The following VWA5B1 variants were observed in gnomAD, a reference collection of about 807,000 sequenced individuals.
VWA5B1 encodes the protein von Willebrand factor A domain-containing protein 5B1.
VWA5B1 carries 115 observed loss-of-function variants against 118.2 expected under a neutral mutation model. The observed-to-expected ratio is 0.97, with a 90% confidence interval of 0.84 to 1.14. VWA5B1 has a LOEUF of 1.14. VWA5B1 is among the 50% of genes most tolerant of loss of function. The pLI is 0.00. For missense variants in VWA5B1, 1,596 were observed against 1,603.8 expected (o/e 1.00, Z 0.08); for synonymous variants, 682 against 658.4 (o/e 1.04, Z -0.55).
intron 1 of VWA5B1, among the ~76,000 whole-genome samples, chr1:20,293,570 C>T (rs1043491492): frequency 1.4e-4 from 22 of 152,192 alleles, no homozygotes; most frequent in African/African-American, 4.3e-4. Context: ...ACAGGTTTCT[C>T]GTGGTCTCAC....
At chr1:20,324,633 T>C (rs911377873) in intron 8 of VWA5B1, among the ~76,000 whole-genome samples, 1 of 152,160 alleles carries the variant, frequency 6.6e-6, no homozygotes, top group African/African-American at 2.4e-5. Flanking sequence ...AGAGTGGGGC[T>C]CTGCCGTCAC....
chr1:20,350,206 C>A lies in VWA5B1; in HGVS notation c.2929C>A (p.Arg977Ser), dbSNP rs986754429. Residue 977 changes from arginine to serine, a missense_variant, in exon 19 of 22, where the codon CGC becomes AGC. By Grantham distance (110) the Arg-to-Ser change is moderately radical. Coordinates refer to ENST00000289815, the MANE Select transcript of VWA5B1 (RefSeq NM_001039500.3). Reference sequence around the variant, plus strand: ...CTTCAGCGAGGCCAGGTCCCCCGGCCGCGAGAAGCACGGTGCTTCTGAAGG... The same window carrying A: ...CTTCAGCGAGGCCAGGTCCCCCGGCAGCGAGAAGCACGGTGCTTCTGAAGG... ...ALFSEARSPG[R>S]EKHGASEGPQ... 6.4e-7 allele frequency: 1 copy of A among 1,551,098 alleles called. No homozygotes were observed.
Position 20,345,514 on chromosome 1 carries a change from T to C in VWA5B1, c.2685T>C (p.Ile895=). The C allele has an allele frequency of 1.9e-6, 3 of 1,551,220 alleles. No individual in the cohort carries two copies. The highest frequency in any genetic ancestry group is 2.6e-6 in the Non-Finnish European group (3 of 1,146,982). The part of the protein sequence containing the change: ...ALHTSKACNI[I]SKYTAFVPVD... The stretch of plus-strand genomic sequence containing the variant: ...ACACCAGCAAGGCCTGCAACATCAT[T>C]AGCAAATACACAGCCTTCGTGCCTG... The change falls in exon 17 of 22, where the codon ATT becomes ATC. Residue 895 remains isoleucine, a synonymous_variant. Coordinates refer to ENST00000289815, the MANE Select transcript of VWA5B1 (RefSeq NM_001039500.3).
intron 21 of VWA5B1, among the ~76,000 whole-genome samples, chr1:20,352,994 G>A (rs1303398183): frequency 2.0e-5 from 3 of 152,134 alleles, no homozygotes; most frequent in African/African-American, 7.2e-5. Flanking sequence ...AGTGGCAATG[G>A]GAGAGGTCTG....
rs1018774056 is a variant in VWA5B1, at chr1:20,356,475, C to G, written c.*2212C>G. 6.6e-6 allele frequency among the ~76,000 whole-genome samples: 1 copy of G among 152,308 alleles called. No homozygotes were observed. Among genetic ancestry groups the G allele is most frequent in the African/African-American group, 2.4e-5 (1 of 41,562 alleles). Reference sequence around the variant, plus strand: ...CCAGGCTGAACTGGGCTGTCCAGCACCTCCCTGCCCCACCAGATGAGTCTG... The same window carrying G: ...CCAGGCTGAACTGGGCTGTCCAGCAGCTCCCTGCCCCACCAGATGAGTCTG... On this transcript the variant is annotated 3_prime_UTR_variant, in exon 22 of 22. Transcript: ENST00000289815.
chr1:20,292,638 C>T (rs895219308), intron 1 of VWA5B1, among the ~76,000 whole-genome samples: 7 of 151,504 alleles, frequency 4.6e-5, no homozygotes, highest in African/African-American at 1.2e-4. Flanking sequence ...CAGTGGCATG[C>T]GTGTGTGTGT....
rs1016078298 is a variant in VWA5B1 at position 20,337,656 on chromosome 1, C to G, written c.1953C>G (p.Leu651=). 1.3e-6 allele frequency: 2 copies of G among 1,551,436 alleles called. No individual in the cohort carries two copies. The highest frequency in any genetic ancestry group is 8.7e-7 in the Non-Finnish European group (1 of 1,146,858). Residue 651 remains leucine (L), a synonymous_variant, in exon 14 of 22, where the codon CTC becomes CTG. Coordinates refer to ENST00000289815, the MANE Select transcript of VWA5B1 (RefSeq NM_001039500.3). ...GDSTTKHDLN[L]SQRRRAYSTN... ...ACTATCCCTGTCCAGATCTGAACCT[C>G]TCTCAGCGACGGAGGGCATACAGCA...
At position 20,353,782 on chromosome 1, in the gene VWA5B1, C is replaced by T. The variant is rs61742171; in HGVS notation, c.3167C>T (p.Ala1056Val). ...GTGTCTCTGCAGCTGGCCTCCGGAG[C>T]CTTCCTGCTCAACGAAGCCTTCTGT... is the stretch of plus-strand genomic sequence containing the variant. ...PLVSLQLASG[A>V]FLLNEAFCEA... The change falls in exon 22 of 22, where the codon GCC (alanine) becomes GTC (valine). Residue 1056 changes from alanine (A) to valine (V), a missense_variant. Ala to Val is a moderately conservative substitution (Grantham distance 64). Transcript: ENST00000289815. The T allele has an allele frequency of 2.9e-5, 42 of 1,464,962 alleles. No homozygotes were observed. Among genetic ancestry groups the T allele is most frequent in the Non-Finnish European group, 3.4e-5 (38 of 1,106,230 alleles). 90.7% of individuals were successfully genotyped at this position (1,464,962 alleles called of 1,614,324 possible).
intron 1 of VWA5B1, among the ~76,000 whole-genome samples, chr1:20,305,163 A>G (rs2088612177): frequency 6.6e-6 from 1 of 152,084 alleles, no homozygotes; most frequent in Non-Finnish European, 1.5e-5. Context: ...AGGAAAAAAA[A>G]CAAAGAAAGG....
intron 14 of VWA5B1, among the ~76,000 whole-genome samples, chr1:20,341,552 G>A (rs559171358): frequency 6.6e-6 from 1 of 152,306 alleles, no homozygotes; most frequent in Non-Finnish European, 1.5e-5. Flanking sequence ...AATTTTTCGT[G>A]AGGCTGAGAA....
intron 11 of VWA5B1, among the ~76,000 whole-genome samples, chr1:20,331,253 C>T (rs2089545439): frequency 1.3e-5 from 2 of 152,210 alleles, no homozygotes; most frequent in African/African-American, 2.4e-5. Context: ...GGAAAAGCTA[C>T]CACCTATATG....
chr1:20,301,701 G>A (rs1407038433), intron 1 of VWA5B1, among the ~76,000 whole-genome samples: 1 of 152,222 alleles, frequency 6.6e-6, no homozygotes, highest in African/African-American at 2.4e-5. Context: ...GACAAGGCTC[G>A]AAGCCACATA....
Position 20,354,814 on chromosome 1 carries a change from C to T in VWA5B1, c.*551C>T, listed in dbSNP as rs993442633. The T allele has an allele frequency of 1.3e-5, 2 of 152,808 alleles. No individual in the cohort carries two copies. Among genetic ancestry groups the T allele is most frequent in the African/African-American group, 2.4e-5 (1 of 41,424 alleles). The allele number at this position is 152,808 out of a possible 1,614,324, so 9.5% of individuals were successfully genotyped here. ...CTCCATGGTAACAGCCAAGGACCCC[C>T]CCTAAATCCCACTTAAAAGCCAATT... On this transcript the variant is annotated 3_prime_UTR_variant, in exon 22 of 22. Transcript: ENST00000289815.
At chr1:20,318,760 G>C in intron 6 of VWA5B1, 39 bp downstream of exon 6, 2 of 1,446,700 alleles carry the variant, frequency 1.4e-6, no homozygotes, top group Middle Eastern at 2.0e-4. Flanking sequence ...CTGCCTGTGG[G>C]AGGGAGGAGG....
intron 2 of VWA5B1, among the ~76,000 whole-genome samples, chr1:20,312,171 C>T (rs149483972): frequency 3.2e-3 from 482 of 152,352 alleles, no homozygotes; most frequent in South Asian, 6.8e-3. Flanking sequence ...CTTAGAACTG[C>T]AGGACGTCTG....
chr1:20,315,437 T>C (rs1557839687), intron 4 of VWA5B1, among the ~76,000 whole-genome samples: 1 of 152,124 alleles, frequency 6.6e-6, no homozygotes, highest in Admixed American at 6.5e-5. Flanking sequence ...CCTCCCCTGG[T>C]GTACAGGAGG....
At chr1:20,317,750 GTGGGA>G in intron 5 of VWA5B1, 75 bp downstream of exon 5, 24 of 998,504 alleles carry the variant, frequency 2.4e-5, no homozygotes, top group Non-Finnish European at 3.2e-5. Flanking sequence ...TGGGACGGGG[GTGGGA>G]AGGAAAGCCA....
chr1:20,314,148 C>T (rs889821583), intron 3 of VWA5B1, among the ~76,000 whole-genome samples, 174 bp from the exon 4 acceptor site: 6 of 152,074 alleles, frequency 3.9e-5, no homozygotes, highest in East Asian at 3.9e-4. Flanking sequence ...TAGAGTCAGA[C>T]GCATGGGGGT....
intron 1 of VWA5B1, among the ~76,000 whole-genome samples, chr1:20,301,117 TA>T (rs1419422517): frequency 6.6e-6 from 1 of 152,232 alleles, no homozygotes; most frequent in Non-Finnish European, 1.5e-5. Flanking sequence ...ATGTATTCTT[TA>T]GCCAACATCT....
Sources: gnomAD v4.1 joint callset for allele counts (sites outside exome capture counted in the v4.1 genomes callset) on GRCh38, gnomAD v4.1.1 for gene constraint, MANE v1.5 for transcripts, NCBI Gene and HGNC (gene_info 2026-07-23, HGNC 2026-07-21) for gene names.